GUCY1A2: variants seen among roughly 807,000 people sequenced by gnomAD.
The protein encoded by GUCY1A2 is guanylate cyclase 1 soluble subunit alpha 2.
A neutral mutation model predicts 63.5 loss-of-function variants in GUCY1A2; 27 were observed. The observed-to-expected ratio is 0.43, with a 90% confidence interval of 0.31 to 0.59. The LOEUF (loss-of-function observed/expected upper bound fraction) is 0.59. Ranked by LOEUF, GUCY1A2 falls within the 20% of genes least tolerant of loss-of-function variation. The pLI, the probability that GUCY1A2 is intolerant of heterozygous loss-of-function variation, is 0.11. For synonymous variants in GUCY1A2, 364 were observed against 343.5 expected (o/e 1.06, Z -0.66); for missense variants, 768 against 913.3 (o/e 0.84, Z 2.05).
rs181224055 is a variant in GUCY1A2, at chr11:106,754,167, G to A, written c.1836+22272C>T. 6.1e-3 allele frequency among the ~76,000 whole-genome samples: 925 copies of A among 152,158 alleles called. 6 individuals carry two copies. The highest frequency in any genetic ancestry group is 0.021 in the African/African-American group (871 of 41,494). ...TTTGGCTCTCTGTTTGTCTATTATT[G>A]GTGTATAGGAATGCTTGTGATTTTT... On this transcript the variant is annotated intron_variant, in intron 6 of 7. Transcript: ENST00000526355.
chr11:106,895,457 G>C (rs1237963695), intron 4 of GUCY1A2, among the ~76,000 whole-genome samples: 3 of 152,144 alleles, frequency 2.0e-5, no homozygotes, highest in African/African-American at 7.2e-5. Context: ...GAAGGGACCT[G>C]ATGGGAGGTA....
chr11:106,689,190 G>A (rs977033446), intron 7 of GUCY1A2, among the ~76,000 whole-genome samples: 5 of 152,148 alleles, frequency 3.3e-5, no homozygotes, highest in South Asian at 2.1e-4. Flanking sequence ...ATTCCTCCTC[G>A]AATGCTATTA....
chr11:106,839,864 TGGGGGGA>T, intron 4 of GUCY1A2, among the ~76,000 whole-genome samples: 1 of 41,750 alleles, frequency 2.4e-5, no homozygotes, highest in Non-Finnish European at 4.4e-5. Flanking sequence ...TGTTGTGGGG[TGGGGGGA>T]GGGGGGAGGG....
chr11:106,738,911 T>G (rs1863639122), intron 6 of GUCY1A2, among the ~76,000 whole-genome samples: 1 of 152,156 alleles, frequency 6.6e-6, no homozygotes, highest in South Asian at 2.1e-4. Context: ...TAAAGTAGTT[T>G]TTTTCTAATT....
chr11:106,791,756 C>CACAT (rs150120491), intron 5 of GUCY1A2, among the ~76,000 whole-genome samples: 6,649 of 152,240 alleles, frequency 0.044, 145 homozygotes, highest in East Asian at 0.093. Context: ...ACCTCTCATG[C>CACAT]CACATCTTTT....
At chr11:106,869,828 T>G (rs1859649089) in intron 4 of GUCY1A2, among the ~76,000 whole-genome samples, 1 of 152,026 alleles carries the variant, frequency 6.6e-6, no homozygotes, top group Non-Finnish European at 1.5e-5. Context: ...GCAGCACTAC[T>G]CACAACAGCA....
intron 4 of GUCY1A2, among the ~76,000 whole-genome samples, chr11:106,855,865 G>C (rs1338469872): frequency 1.3e-5 from 2 of 150,008 alleles, no homozygotes; most frequent in Non-Finnish European, 3.0e-5. Context: ...ATAGTTCAAG[G>C]GTGTTTTATC....
At chr11:107,008,735 G>A (rs763704113) in intron 1 of GUCY1A2, among the ~76,000 whole-genome samples, 2 of 152,202 alleles carry the variant, frequency 1.3e-5, no homozygotes, top group Non-Finnish European at 2.9e-5. Context: ...TGAGTGATAA[G>A]TTAGGATTCC....
intron 4 of GUCY1A2, among the ~76,000 whole-genome samples, chr11:106,857,474 C>T (rs1262335223): frequency 6.6e-6 from 1 of 152,198 alleles, no homozygotes; most frequent in Non-Finnish European, 1.5e-5. Flanking sequence ...CAGTCCCCTA[C>T]TTACACACAG....
chr11:107,007,271 T>C (rs953353545), intron 1 of GUCY1A2, among the ~76,000 whole-genome samples: 1 of 152,254 alleles, frequency 6.6e-6, no homozygotes, highest in Non-Finnish European at 1.5e-5. Flanking sequence ...TACCTGATTC[T>C]GGTTTAGAAG....
intron 4 of GUCY1A2, among the ~76,000 whole-genome samples, chr11:106,889,846 A>G (rs2135477276): frequency 6.6e-6 from 1 of 152,344 alleles, no homozygotes; most frequent in South Asian, 2.1e-4. Context: ...AATTTTTGGC[A>G]TTACGCAACT....
chr11:106,902,169 C>T (rs1404544879), intron 4 of GUCY1A2, among the ~76,000 whole-genome samples: 3 of 152,136 alleles, frequency 2.0e-5, no homozygotes, highest in Admixed American at 6.5e-5. Context: ...TCAGAGCTCT[C>T]GGGTGACCAT....
intron 4 of GUCY1A2, among the ~76,000 whole-genome samples, chr11:106,913,723 T>C (rs1054551944): frequency 1.3e-5 from 2 of 152,094 alleles, no homozygotes; most frequent in African/African-American, 2.4e-5. Flanking sequence ...TAATGTGCTA[T>C]GTAAATTTAT....
At chr11:106,974,150 A>G (rs1025912712) in intron 3 of GUCY1A2, among the ~76,000 whole-genome samples, 5 of 152,086 alleles carry the variant, frequency 3.3e-5, no homozygotes, top group African/African-American at 1.2e-4. Flanking sequence ...AATTCATTCT[A>G]GTAAAATACT....
rs1184752519 is a variant in GUCY1A2, at chr11:107,017,743, C to T, written c.303+10G>A. 3 of 1,385,434 alleles carry T rather than the reference C, an allele frequency of 2.2e-6. No homozygotes were observed. The highest frequency in any genetic ancestry group is 2.8e-6 in the Non-Finnish European group (3 of 1,069,768). The allele number at this position is 1,385,434 out of a possible 1,614,324, so 85.8% of individuals were successfully genotyped here. On this transcript the variant is annotated intron_variant, in intron 1 of 7. Transcript: ENST00000526355. ...CCCGAAGGCGGTCCCCCCTTCCGCC[C>T]CCCGCTCACCGAGGGCGCCGTCAGG...
chr11:106,883,958 C>T (rs1038063382), intron 4 of GUCY1A2, among the ~76,000 whole-genome samples: 4 of 152,096 alleles, frequency 2.6e-5, no homozygotes, highest in Admixed American at 2.6e-4. Flanking sequence ...CGAAACACCA[C>T]ATGTTCTCAC....
chr11:106,892,051 CTTTAA>C (rs1463518196), intron 4 of GUCY1A2, among the ~76,000 whole-genome samples: 1 of 152,012 alleles, frequency 6.6e-6, no homozygotes. Flanking sequence ...CTTAAGTCTC[CTTTAA>C]TTTCTCTGCA....
intron 1 of GUCY1A2, among the ~76,000 whole-genome samples, chr11:107,017,405 A>G (rs896482718): frequency 1.5e-4 from 23 of 152,190 alleles, no homozygotes; most frequent in African/African-American, 5.1e-4. Context: ...AGTGCCTGGG[A>G]AAGTTTAGGG....
chr11:106,683,218 C>T lies in GUCY1A2; in HGVS notation c.*4331G>A, dbSNP rs888181876. The T allele has an allele frequency of 4.6e-6, 1 of 215,784 alleles. No homozygotes were observed. The highest frequency in any genetic ancestry group is 5.8e-5 in the Admixed American group (1 of 17,132). The allele number at this position is 215,784 out of a possible 1,614,324, so 13.4% of individuals were successfully genotyped here. On this transcript the variant is annotated 3_prime_UTR_variant, in exon 8 of 8. Transcript: ENST00000526355. ...TATTAAGCTATGATTATAGAAGCCT[C>T]TGAAATGACATAATTTTTGTAGCTG...
Sources: gnomAD v4.1 joint callset for allele counts (sites outside exome capture counted in the v4.1 genomes callset) on GRCh38, gnomAD v4.1.1 for gene constraint, MANE v1.5 for transcripts, NCBI Gene and HGNC (gene_info 2026-07-23, HGNC 2026-07-21) for gene names.